The following MPP3 variants were observed in gnomAD, a reference collection of about 807,000 sequenced individuals.
MPP3 encodes MAGUK p55 subfamily member 3.
Under a neutral mutation model 80.7 loss-of-function variants are expected in MPP3, and 48 were observed. The ratio of observed to expected loss-of-function variants is 0.59; its 90% CI spans 0.47 to 0.76. MPP3 has a LOEUF of 0.76. MPP3 is among the 30% of genes least tolerant of loss of function. The pLI is 0.00. For synonymous variants in MPP3, 311 were observed against 297.6 expected (o/e 1.04, Z -0.46); for missense variants, 620 against 763.0 (o/e 0.81, Z 2.21).
intron 13 of MPP3, 123 bp downstream of exon 13, chr17:43,816,554 G>T: frequency 1.1e-6 from 1 of 902,488 alleles, no homozygotes; most frequent in Non-Finnish European, 1.8e-6. Flanking sequence ...AGCAGGAAGA[G>T]GTGCGCAGAC....
intron 19 of MPP3, 72 bp downstream of exon 19, chr17:43,808,884 A>AT: frequency 6.6e-7 from 1 of 1,504,762 alleles, no homozygotes; most frequent in Non-Finnish European, 8.9e-7. Flanking sequence ...AAGCACCCTT[A>AT]TGCAGCTAGA....
Position 43,811,151 on chromosome 17 carries a change from A to T in MPP3, c.1310T>A (p.Val437Glu). The change falls in exon 17 of 20, where the codon GTG (valine) becomes GAG (glutamate). Residue 437 changes from valine to glutamate, a missense_variant. Physicochemically the swap from Val to Glu is moderately radical, Grantham distance 121. Transcript: ENST00000398389. ...GTCGGCCTCAAATGCTTGCTTAGAC[A>T]CAAAGTGATATTCCACTCCTTCCTT... ...HEKEGVEYHF[V>E]SKQAFEADLH... 1 of 1,614,192 alleles carries T rather than the reference A, an allele frequency of 6.2e-7. No individual in the cohort carries two copies. Among genetic ancestry groups the T allele is most frequent in the Non-Finnish European group, 8.5e-7 (1 of 1,180,018 alleles).
intron 7 of MPP3, among the ~76,000 whole-genome samples, chr17:43,829,402 G>C (rs1056663152): frequency 1.3e-5 from 2 of 152,214 alleles, no homozygotes; most frequent in East Asian, 3.9e-4. Flanking sequence ...CTTAAAGCAT[G>C]ATCAGGGTCA....
At chr17:43,823,236 T>C (rs897122547) in intron 10 of MPP3, among the ~76,000 whole-genome samples, 3 of 152,082 alleles carry the variant, frequency 2.0e-5, no homozygotes, top group African/African-American at 7.2e-5. Context: ...ATTCAGAACA[T>C]AGGCTTAACC....
intron 19 of MPP3, among the ~76,000 whole-genome samples, chr17:43,806,584 T>G (rs2044626030): frequency 6.6e-6 from 1 of 152,196 alleles, no homozygotes; most frequent in African/African-American, 2.4e-5. Context: ...CTGATTTTTT[T>G]GTTATATGAT....
At chr17:43,821,185 A>C in intron 10 of MPP3, 127 bp from the exon 11 acceptor site, 2 of 816,076 alleles carry the variant, frequency 2.5e-6, no homozygotes, top group Non-Finnish European at 3.9e-6. Context: ...TTCAAATAGA[A>C]AGCTACTTGG....
At chr17:43,823,898 G>A in intron 10 of MPP3, 33 bp downstream of exon 10, 1 of 1,532,516 alleles carries the variant, frequency 6.5e-7, no homozygotes, top group Non-Finnish European at 9.0e-7. Context: ...CTCTCAAGCT[G>A]AGAGAGGGCA....
intron 14 of MPP3, 67 bp downstream of exon 14, chr17:43,815,971 C>T (rs1257915798): frequency 7.2e-7 from 1 of 1,383,786 alleles, no homozygotes; most frequent in East Asian, 2.7e-5. Context: ...CTGCTTTGAC[C>T]TCTCCCTAAC....
At chr17:43,828,064 G>A (rs1466985261) in intron 7 of MPP3, among the ~76,000 whole-genome samples, 1 of 152,178 alleles carries the variant, frequency 6.6e-6, no homozygotes, top group African/African-American at 2.4e-5. Flanking sequence ...ATGAGGGACT[G>A]GGGCTCAGAG....
intron 14 of MPP3, chr17:43,815,597 C>T: frequency 3.2e-6 from 1 of 312,776 alleles, no homozygotes; most frequent in Non-Finnish European, 6.1e-6. Context: ...CAGGGCAAAA[C>T]CCTGTCTCTA....
intron 5 of MPP3, among the ~76,000 whole-genome samples, 177 bp from the exon 6 acceptor site, chr17:43,830,284 A>G (rs1295569813): frequency 6.6e-6 from 1 of 152,150 alleles, no homozygotes; most frequent in African/African-American, 2.4e-5. Flanking sequence ...GAGCAGCTCT[A>G]TGGGGCCATC....
chr17:43,803,657 C>T (rs1031623576), intron 19 of MPP3, among the ~76,000 whole-genome samples: 11 of 152,192 alleles, frequency 7.2e-5, no homozygotes, highest in African/African-American at 2.7e-4. Flanking sequence ...AAACCCATGC[C>T]TTTGTGAGGA....
chr17:43,828,421 G>A (rs537256714), intron 7 of MPP3, among the ~76,000 whole-genome samples: 36 of 152,172 alleles, frequency 2.4e-4, no homozygotes, highest in Middle Eastern at 3.2e-3. Flanking sequence ...GCAGCAGGAC[G>A]GCAGAAAGCT....
At position 43,801,492 on chromosome 17, in the gene MPP3, C is replaced by G; in HGVS notation, c.*209G>C. ...AAATGTGTTGTTTTCTGATATGCCC[C>G]TTTCAAATCATGATCCAAAGAGGTG... On this transcript the variant is annotated 3_prime_UTR_variant, in exon 20 of 20. Coordinates refer to ENST00000398389, the MANE Select transcript of MPP3 (RefSeq NM_001932.6). 1 of 549,468 alleles carries G rather than the reference C, an allele frequency of 1.8e-6. No individual in the cohort carries two copies. Among genetic ancestry groups the G allele is most frequent in the Non-Finnish European group, 3.2e-6 (1 of 313,530 alleles). The allele number at this position is 549,468 out of a possible 1,614,324, so 34.0% of individuals were successfully genotyped here. A position where few individuals can be genotyped will look rare whatever the true frequency, so the allele number is the denominator to read the frequency against.
chr17:43,804,922 G>A (rs2044553277), intron 19 of MPP3, among the ~76,000 whole-genome samples: 1 of 152,188 alleles, frequency 6.6e-6, no homozygotes, highest in Non-Finnish European at 1.5e-5. Flanking sequence ...GGAGGTTGAG[G>A]CAGGAGAATC....
At position 43,814,258 on chromosome 17, in the gene MPP3, G is replaced by T; in HGVS notation, c.1113C>A (p.Tyr371Ter). The T allele has an allele frequency of 3.7e-6, 6 of 1,613,426 alleles. No homozygotes were observed. Among genetic ancestry groups the T allele is most frequent in the Non-Finnish European group, 5.1e-6 (6 of 1,179,996 alleles). Residue 371 changes from tyrosine to a stop codon, truncating the protein, a stop_gained, in exon 15 of 20, where the codon TAC becomes TAA. Coordinates refer to ENST00000398389, the MANE Select transcript of MPP3 (RefSeq NM_001932.6). LOFTEE classifies it high-confidence loss of function. ...SGAESPELLT[Y>*]EEVARYQHQP... ...GGTGTTGGTACCTGGCCACCTCTTCGTAAGTCAGCAGCTCCGGAGACTCAG... is the reference window on the plus strand; with the variant it reads ...GGTGTTGGTACCTGGCCACCTCTTCTTAAGTCAGCAGCTCCGGAGACTCAG...
intron 4 of MPP3, 89 bp from the exon 5 acceptor site, chr17:43,831,410 C>G: frequency 1.4e-6 from 2 of 1,428,540 alleles, no homozygotes; most frequent in Admixed American, 3.4e-5. Flanking sequence ...GACTGGGCCA[C>G]TGACAGGGCA....
chr17:43,812,768 C>A (rs1013540822), intron 16 of MPP3, among the ~76,000 whole-genome samples: 1 of 152,180 alleles, frequency 6.6e-6, no homozygotes. Flanking sequence ...GGGTTCTGAA[C>A]GATCAGTGTG....
chr17:43,803,111 C>T (rs2044480075), intron 19 of MPP3, among the ~76,000 whole-genome samples: 1 of 152,140 alleles, frequency 6.6e-6, no homozygotes, highest in African/African-American at 2.4e-5. Context: ...GGGCTACTTT[C>T]ATACTCAGAA....
Sources: allele counts gnomAD v4.1 joint callset (sites outside exome capture counted in the v4.1 genomes callset), GRCh38; gene constraint gnomAD v4.1.1; transcripts MANE v1.5; gene names NCBI Gene and HGNC (gene_info 2026-07-23, HGNC 2026-07-21).